Variants in TRDN observed in about 807,000 individuals in gnomAD.
TRDN encodes triadin in skeletal muscle.
TRDN carries 161 observed loss-of-function variants against 149.7 expected under a neutral mutation model. The ratio of observed to expected loss-of-function variants is 1.08; its 90% CI spans 0.95 to 1.23. The LOEUF (loss-of-function observed/expected upper bound fraction) is 1.23. Among genes scored for constraint, TRDN ranks in the 50% most tolerant of loss-of-function variants. The pLI is 0.00. For missense variants in TRDN, 896 were observed against 823.5 expected, an observed-to-expected ratio of 1.09 and a Z score of -1.08; for synonymous variants, 294 against 250.5, an observed-to-expected ratio of 1.17 and a Z score of -1.64.
chr6:123,505,642 A>T (rs1282361137), intron 7 of TRDN, among the ~76,000 whole-genome samples: 1 of 152,120 alleles, frequency 6.6e-6, no homozygotes, highest in Non-Finnish European at 1.5e-5. Flanking sequence ...TGATACACAC[A>T]TTATTCAATA....
intron 33 of TRDN, among the ~76,000 whole-genome samples, chr6:123,265,105 T>C (rs1341749200): frequency 2.0e-5 from 3 of 152,066 alleles, no homozygotes; most frequent in African/African-American, 7.2e-5. Context: ...CTTCTTGCTC[T>C]ACCCATTTTC....
chr6:123,359,743 T>G (rs570119104), intron 20 of TRDN, among the ~76,000 whole-genome samples: 1 of 152,314 alleles, frequency 6.6e-6, no homozygotes, highest in East Asian at 1.9e-4. Flanking sequence ...TCGCCCAGGC[T>G]GGAGTGCAGT....
At chr6:123,521,655 T>C (rs1027514157) in intron 5 of TRDN, among the ~76,000 whole-genome samples, 1 of 152,110 alleles carries the variant, frequency 6.6e-6, no homozygotes, top group Non-Finnish European at 1.5e-5. Context: ...ATTAGACTTC[T>C]GTTGCAGCCC....
At chr6:123,622,044 T>C (rs1785409998) in intron 1 of TRDN, among the ~76,000 whole-genome samples, 1 of 152,104 alleles carries the variant, frequency 6.6e-6, no homozygotes, top group South Asian at 2.1e-4. Context: ...ATGAAAGTTA[T>C]AGTGCATATG....
At chr6:123,283,460 C>T (rs1197450961) in intron 24 of TRDN, among the ~76,000 whole-genome samples, 1 of 151,338 alleles carries the variant, frequency 6.6e-6, no homozygotes, top group Non-Finnish European at 1.5e-5. Context: ...AAAGAAATAA[C>T]TAAGATCAGA....
intron 13 of TRDN, among the ~76,000 whole-genome samples, chr6:123,389,899 G>A (rs888935608): frequency 3.3e-5 from 5 of 152,134 alleles, no homozygotes; most frequent in Non-Finnish European, 7.4e-5. Context: ...GACATGGCCT[G>A]ATGAATTTCA....
intron 6 of TRDN, among the ~76,000 whole-genome samples, chr6:123,514,018 A>T (rs1331170337): frequency 6.6e-6 from 1 of 152,164 alleles, no homozygotes; most frequent in Non-Finnish European, 1.5e-5. Context: ...CTTACTTCGT[A>T]TCATACACTG....
At chr6:123,575,588 C>A (rs1449420586) in intron 1 of TRDN, among the ~76,000 whole-genome samples, 2 of 151,998 alleles carry the variant, frequency 1.3e-5, no homozygotes, top group African/African-American at 2.4e-5. Context: ...ACTTTCCAGG[C>A]CTGCTTTTTA....
intron 38 of TRDN, among the ~76,000 whole-genome samples, chr6:123,236,297 T>G (rs1468430269): frequency 1.3e-5 from 2 of 152,230 alleles, no homozygotes; most frequent in Admixed American, 6.5e-5. Context: ...TTATTTGCTA[T>G]TCATACATCC....
intron 10 of TRDN, among the ~76,000 whole-genome samples, chr6:123,446,913 A>T (rs891701696): frequency 6.6e-6 from 1 of 150,534 alleles, no homozygotes. Flanking sequence ...TTCTTCTTCT[A>T]TTTTTTTTTT....
chr6:123,394,308 A>T (rs1250128678), intron 12 of TRDN, among the ~76,000 whole-genome samples: 3 of 147,960 alleles, frequency 2.0e-5, no homozygotes, highest in South Asian at 2.1e-4. Context: ...AGGATTTATT[A>T]AAAAAAAACT....
rs371013239 is a variant in TRDN at position 123,266,543 on chromosome 6, A to G, written c.1783+1164T>C. ...GTATTATATATAATATATATATTAT[A>G]ATATGTATTATATATAATATATATA... On this transcript the variant is annotated intron_variant, in intron 32 of 40. Transcript: ENST00000334268. 1.4e-3 allele frequency among the ~76,000 whole-genome samples: 36 copies of G among 25,276 alleles called. 2 individuals carry two copies. The highest frequency in any genetic ancestry group is 2.6e-3 in the African/African-American group (12 of 4,636). 16.6% of individuals were successfully genotyped at this position (25,276 alleles called of 152,430 possible). A position where few individuals can be genotyped will look rare whatever the true frequency, so the allele number is the denominator to read the frequency against.
Position 123,514,631 on chromosome 6 carries a change from AACACACACACAC to A in TRDN, c.550+1498_550+1509del, listed in dbSNP as rs60716520. On this transcript the variant is annotated intron_variant, in intron 6 of 40. Coordinates refer to ENST00000334268, the MANE Select transcript of TRDN (RefSeq NM_006073.4). ...ATAGATGAAGGGTATACATACCCAA[AACACACACACAC>A]ACACACACACACACACACACATATC... is the stretch of plus-strand genomic sequence containing the variant. 2.7e-5 allele frequency among the ~76,000 whole-genome samples: 4 copies of A among 147,590 alleles called. No individual in the cohort carries two copies. The East Asian group carries it at 6.2e-4, about 23-fold the overall frequency.
chr6:123,321,741 A>G (rs2060066), intron 23 of TRDN, among the ~76,000 whole-genome samples: 27,362 of 151,864 alleles, frequency 0.18, 3,471 homozygotes, highest in East Asian at 0.63. Context: ...GATATGAGAT[A>G]AGCCTCCCTA....
At chr6:123,513,844 C>A (rs1779292168) in intron 6 of TRDN, among the ~76,000 whole-genome samples, 1 of 151,912 alleles carries the variant, frequency 6.6e-6, no homozygotes, top group African/African-American at 2.4e-5. Flanking sequence ...TTCAACTTAT[C>A]TGATTCCTAA....
rs537040878 is a variant in TRDN, at chr6:123,496,779, A to G, written c.853+414T>C. On this transcript the variant is annotated intron_variant, in intron 9 of 40. Coordinates refer to ENST00000334268, the MANE Select transcript of TRDN (RefSeq NM_006073.4). ...GAAAATTTTAAAGTTTTGGAAAACA[A>G]AGTATAAATATTTGAAATGTGATGA... Among the ~76,000 whole-genome samples, 24 of 152,238 alleles carry G rather than the reference A, an allele frequency of 1.6e-4. No individual in the cohort carries two copies. In the South Asian group the frequency reaches 3.7e-3, roughly 24 times the overall value.
chr6:123,303,848 GA>G (rs1441044977), intron 24 of TRDN, among the ~76,000 whole-genome samples: 1 of 152,054 alleles, frequency 6.6e-6, no homozygotes, highest in African/African-American at 2.4e-5. Flanking sequence ...TCTTTAAAGA[GA>G]AAATGTAAAC....
chr6:123,453,981 T>C (rs945920814), intron 10 of TRDN, among the ~76,000 whole-genome samples: 2 of 151,992 alleles, frequency 1.3e-5, no homozygotes, highest in East Asian at 3.9e-4. Context: ...GCATTTGCAG[T>C]GACCTGGATG....
At chr6:123,266,157 AT>A (rs1264138187) in intron 32 of TRDN, among the ~76,000 whole-genome samples, 2 of 99,586 alleles carry the variant, frequency 2.0e-5, no homozygotes, top group Admixed American at 1.6e-4. Flanking sequence ...TATTATATAT[AT>A]TATAATATGT....
Sources: gnomAD v4.1 joint callset for allele counts (sites outside exome capture counted in the v4.1 genomes callset) on GRCh38, gnomAD v4.1.1 for gene constraint, MANE v1.5 for transcripts, NCBI Gene and HGNC (gene_info 2026-07-23, HGNC 2026-07-21) for gene names.